Variants in ACBD5 observed in about 807,000 individuals in gnomAD.
ACBD5 encodes acyl-CoA-binding domain-containing protein 5.
A neutral mutation model predicts 71.8 loss-of-function variants in ACBD5; 40 were observed. The observed-to-expected ratio is 0.56, with a 90% CI of 0.43 to 0.72. ACBD5 has a LOEUF of 0.72. Ranked by LOEUF, ACBD5 falls within the 30% of genes least tolerant of loss-of-function variation. The pLI, the probability that ACBD5 is intolerant of heterozygous loss-of-function variation, is 0.00. For missense variants in ACBD5, 559 were observed against 644.5 expected (o/e 0.87, Z 1.44); for synonymous variants, 229 against 218.6 (o/e 1.05, Z -0.42).
chr10:27,194,611 C>CT (rs1262253932), downstream of ACBD5, among the ~76,000 whole-genome samples: 3 of 32,730 alleles, frequency 9.2e-5, no homozygotes, highest in Admixed American at 4.7e-4. Context: ...GACTCCATCT[C>CT]AAATAATAAT....
chr10:27,237,644 G>C (rs1393109781), intron 2 of ACBD5, among the ~76,000 whole-genome samples: 4 of 134,102 alleles, frequency 3.0e-5, no homozygotes, highest in Non-Finnish European at 4.7e-5. Context: ...TTTTGAGTTG[G>C]AGTCTGGCTC....
At chr10:27,242,083 T>C, upstream of ACBD5, 1 of 452,476 alleles carries the variant, frequency 2.2e-6, no homozygotes, top group Non-Finnish European at 4.4e-6. Flanking sequence ...ACAAGGCCTG[T>C]CCGGTAATGT....
At chr10:27,202,668 G>GT (rs910291727) in intron 12 of ACBD5, among the ~76,000 whole-genome samples, 16 of 148,960 alleles carry the variant, frequency 1.1e-4, no homozygotes, top group Admixed American at 2.0e-4. Flanking sequence ...AAGCTTTAGA[G>GT]TTTTTTTTTT....
downstream of ACBD5, among the ~76,000 whole-genome samples, chr10:27,192,261 C>T (rs1337124301): frequency 1.3e-5 from 2 of 149,726 alleles, no homozygotes; most frequent in African/African-American, 4.9e-5. Context: ...TTTTTTAAGT[C>T]TACATCCAAA....
At chr10:27,236,113 CA>C (rs138918182) in intron 2 of ACBD5, among the ~76,000 whole-genome samples, 28,712 of 137,664 alleles carry the variant, frequency 0.21, 2,802 homozygotes, top group East Asian at 0.31. Context: ...GACCCTGTCT[CA>C]AAAAAAAAAA....
At chr10:27,233,103 A>C (rs994153913) in intron 3 of ACBD5, among the ~76,000 whole-genome samples, 1 of 152,336 alleles carries the variant, frequency 6.6e-6, no homozygotes, top group South Asian at 2.1e-4. Flanking sequence ...GAAACTGAGC[A>C]TCACAGTGTG....
chr10:27,208,588 A>T (rs2060723011), intron 9 of ACBD5, 143 bp from the exon 10 acceptor site: 1 of 1,009,922 alleles, frequency 9.9e-7, no homozygotes, highest in Admixed American at 2.0e-5. Flanking sequence ...CTGTAATCCC[A>T]GCACTTTGGG....
At position 27,205,122 on chromosome 10, in the gene ACBD5, G is replaced by A. The variant is rs562654537; in HGVS notation, c.1455+76C>T. On this transcript the variant is annotated intron_variant, in intron 11 of 12. Transcript: ENST00000396271. ...AGCCTGGGCAACAGAGCGAGACTCC[G>A]TATCAAACAAAAACAAAAACAACAA... is the stretch of plus-strand genomic sequence containing the variant. 107 of 1,421,178 alleles carry A rather than the reference G, an allele frequency of 7.5e-5. 1 individual carries two copies. In the East Asian group the frequency reaches 9.3e-4, roughly 12 times the overall value. 88.0% of individuals were successfully genotyped at this position (1,421,178 alleles called of 1,614,324 possible). A position where few individuals can be genotyped will look rare whatever the true frequency, so the allele number is the denominator to read the frequency against.
chr10:27,218,244 A>G (rs745498646), intron 6 of ACBD5, 61 bp from the exon 7 acceptor site: 26 of 1,262,100 alleles, frequency 2.1e-5, no homozygotes, highest in Non-Finnish European at 3.0e-5. Context: ...TCTGCATACC[A>G]TGTTTTAATA....
chr10:27,194,612 A>AAATAATAATAAT (rs60916474), downstream of ACBD5, among the ~76,000 whole-genome samples: 5,844 of 135,476 alleles, frequency 0.043, 119 homozygotes, highest in African/African-American at 0.055. Flanking sequence ...ACTCCATCTC[A>AAATAATAATAAT]AATAATAATA....
At chr10:27,200,701 G>A (rs754922915) in intron 12 of ACBD5, among the ~76,000 whole-genome samples, 1 of 152,000 alleles carries the variant, frequency 6.6e-6, no homozygotes, top group South Asian at 2.1e-4. Flanking sequence ...TCAGGTGACC[G>A]GCTCACCTCG....
At chr10:27,227,622 C>T (rs1402495775) in intron 4 of ACBD5, among the ~76,000 whole-genome samples, 2 of 152,160 alleles carry the variant, frequency 1.3e-5, no homozygotes, top group Non-Finnish European at 2.9e-5. Flanking sequence ...AAAGCCAACC[C>T]TCAGTACTCA....
At chr10:27,203,253 C>T (rs993449241) in intron 12 of ACBD5, among the ~76,000 whole-genome samples, 4 of 151,930 alleles carry the variant, frequency 2.6e-5, no homozygotes, top group East Asian at 1.9e-4. Context: ...CCTAAAGTCC[C>T]GGGATTATAG....
intron 4 of ACBD5, among the ~76,000 whole-genome samples, chr10:27,225,272 T>G (rs1167451829): frequency 1.3e-5 from 2 of 152,148 alleles, no homozygotes; most frequent in Non-Finnish European, 2.9e-5. Flanking sequence ...TGTTAGCCAC[T>G]GCGCCTGGCC....
intron 10 of ACBD5, 147 bp downstream of exon 10, chr10:27,208,094 GTCTTT>G: frequency 1.2e-6 from 1 of 816,936 alleles, no homozygotes; most frequent in Admixed American, 2.1e-5. Flanking sequence ...TTCTGGGTCA[GTCTTT>G]TCTTAAACAA....
intron 7 of ACBD5, 95 bp downstream of exon 7, chr10:27,217,885 A>G: frequency 2.7e-6 from 3 of 1,131,584 alleles, no homozygotes; most frequent in Non-Finnish European, 3.9e-6. Flanking sequence ...ATTAAATAAG[A>G]GATTTTTAAA....
intron 2 of ACBD5, among the ~76,000 whole-genome samples, chr10:27,238,177 C>T (rs1343195339): frequency 1.3e-5 from 2 of 151,862 alleles, no homozygotes; most frequent in Non-Finnish European, 2.9e-5. Context: ...AATCTCCTGA[C>T]CTTGTGATCC....
chr10:27,236,482 T>C (rs2064713199), intron 2 of ACBD5, among the ~76,000 whole-genome samples: 1 of 152,208 alleles, frequency 6.6e-6, no homozygotes, highest in African/African-American at 2.4e-5. Context: ...CACTTATGTG[T>C]TTTTAAAAAA....
chr10:27,231,604 A>G, intron 4 of ACBD5, 144 bp downstream of exon 4: 1 of 730,314 alleles, frequency 1.4e-6, no homozygotes, highest in South Asian at 1.6e-5. Context: ...ATGAAGCAGA[A>G]AAGTCCTAAC....
Sources: gnomAD v4.1 joint callset for allele counts (sites outside exome capture counted in the v4.1 genomes callset) on GRCh38, gnomAD v4.1.1 for gene constraint, MANE v1.5 for transcripts, NCBI Gene and HGNC (gene_info 2026-07-23, HGNC 2026-07-21) for gene names.